The following WDR27 variants were observed in gnomAD, a reference collection of about 807,000 sequenced individuals.
The protein encoded by WDR27 is WD repeat domain 27, also known as WD repeat-containing protein 27.
In WDR27, 100 loss-of-function variants were observed where a neutral mutation model predicts 114.4. That is an observed-to-expected ratio of 0.87 (90% CI 0.74 to 1.03). The LOEUF (loss-of-function observed/expected upper bound fraction) is 1.03, where lower values mean the gene tolerates loss of function less well. Among genes scored for constraint, WDR27 ranks in the 50% least tolerant of loss-of-function variants. The pLI, the probability that WDR27 is intolerant of heterozygous loss-of-function variation, is 0.00. For synonymous variants in WDR27, 449 were observed against 423.1 expected, an observed-to-expected ratio of 1.06 and a Z score of -0.75; for missense variants, 1,129 against 1,092.9, an observed-to-expected ratio of 1.03 and a Z score of -0.47.
At chr6:169,428,279 C>T in the WDR27 span, among the ~76,000 whole-genome samples, 1 of 152,142 alleles carries the variant, frequency 6.6e-6, no homozygotes, top group Non-Finnish European at 1.5e-5. Context: ...TTTGAACTTT[C>T]CCCTAAGTGG....
intron 25 of WDR27, among the ~76,000 whole-genome samples, chr6:169,502,505 G>A (rs1791430811): frequency 6.6e-6 from 1 of 152,168 alleles, no homozygotes; most frequent in Non-Finnish European, 1.5e-5. Context: ...CGAATGGGCC[G>A]CACTGGGCTA....
intron 9 of WDR27, among the ~76,000 whole-genome samples, chr6:169,661,031 T>G (rs1825957626): frequency 6.6e-6 from 1 of 152,090 alleles, no homozygotes; most frequent in African/African-American, 2.4e-5. Context: ...GTGCGCCCCC[T>G]GGCCTGGCTG....
At chr6:169,621,491 T>C (rs1445921348) in intron 21 of WDR27, among the ~76,000 whole-genome samples, 1 of 150,968 alleles carries the variant, frequency 6.6e-6, no homozygotes, top group Non-Finnish European at 1.5e-5. Flanking sequence ...CATGCACACA[T>C]ATACATACCC....
intron 25 of WDR27, among the ~76,000 whole-genome samples, chr6:169,537,237 T>C (rs894966191): frequency 1.3e-5 from 2 of 152,192 alleles, no homozygotes; most frequent in Non-Finnish European, 2.9e-5. Context: ...TTACGTAGCT[T>C]ATGCTCTTCA....
chr6:169,476,016 T>C (rs1299885257), intron 25 of WDR27, among the ~76,000 whole-genome samples: 3 of 152,350 alleles, frequency 2.0e-5, no homozygotes, highest in East Asian at 1.9e-4. Context: ...TATGGAATTA[T>C]ATGGAATGTT....
chr6:169,440,821 G>A, the WDR27 span, among the ~76,000 whole-genome samples: 5 of 152,134 alleles, frequency 3.3e-5, no homozygotes, highest in African/African-American at 1.2e-4. Flanking sequence ...CTGGCACTCT[G>A]CTTTAATTCA....
chr6:169,657,168 G>A (rs965089984), intron 13 of WDR27, among the ~76,000 whole-genome samples: 5 of 152,304 alleles, frequency 3.3e-5, no homozygotes, highest in African/African-American at 1.2e-4. Flanking sequence ...TCCAGCCCCA[G>A]GCTCAGCTCT....
At chr6:169,645,043 A>AAAAAAAAAAAAAAAAAAAAAAAAAAAAAG (rs1820276157) in intron 16 of WDR27, among the ~76,000 whole-genome samples, 8 of 59,670 alleles carry the variant, frequency 1.3e-4, no homozygotes, top group African/African-American at 9.5e-4. Flanking sequence ...AAATAAAAAA[A>AAAAAAAAAAAAAAAAAAAAAAAAAAAAAG]AAAAAAAAAA....
the WDR27 span, among the ~76,000 whole-genome samples, chr6:169,451,836 G>A: frequency 6.6e-6 from 1 of 152,106 alleles, no homozygotes; most frequent in African/African-American, 2.4e-5. Context: ...CTTTCTTAAA[G>A]TGCCTAGTCA....
In WDR27 at chr6:169,659,469, G is replaced by A; in HGVS notation, c.1179C>T (p.Asn393=). ...ILLAGSCALR[N]RTADQKVLCL... ...GACTGACCTTTTGATCCGCAGTGCG[G>A]TTCCTCAGGGCACACGATCCGGCCA... is the stretch of plus-strand genomic sequence containing the variant. Residue 393 remains asparagine, a synonymous_variant, in exon 11 of 26, where the codon AAC becomes AAT. Coordinates refer to ENST00000448612, the MANE Select transcript of WDR27 (RefSeq NM_182552.5). This position sits in a 1 kb window ranked among gnomAD's most constrained non-coding sequence, Gnocchi z 4.3. 6.2e-7 allele frequency: 1 copy of A among 1,609,780 alleles called. No homozygotes were observed. Among genetic ancestry groups the A allele is most frequent in the South Asian group, 1.1e-5 (1 of 90,106 alleles).
At chr6:169,491,670 A>G (rs1789782303) in intron 25 of WDR27, among the ~76,000 whole-genome samples, 1 of 152,148 alleles carries the variant, frequency 6.6e-6, no homozygotes, top group African/African-American at 2.4e-5. Flanking sequence ...TCCACGAAAG[A>G]CCAGAACCCA....
At chr6:169,601,261 C>T in intron 23 of WDR27, among the ~76,000 whole-genome samples, 1 of 152,196 alleles carries the variant, frequency 6.6e-6, no homozygotes, top group Non-Finnish European at 1.5e-5. Flanking sequence ...CAAGCAAATG[C>T]TGAGAGATTC....
chr6:169,661,568 A>G (rs1826123308), intron 9 of WDR27, among the ~76,000 whole-genome samples: 1 of 152,190 alleles, frequency 6.6e-6, no homozygotes, highest in African/African-American at 2.4e-5. Context: ...CATCGTCAAC[A>G]GAATGGGTCA....
chr6:169,519,502 C>G (rs1022019773), intron 25 of WDR27, among the ~76,000 whole-genome samples: 2 of 151,992 alleles, frequency 1.3e-5, no homozygotes, highest in Non-Finnish European at 2.9e-5. Context: ...TGTGGCAGAA[C>G]AGGTACAAGA....
intron 2 of WDR27, among the ~76,000 whole-genome samples, chr6:169,680,101 C>A (rs376994948): frequency 6.6e-6 from 1 of 152,124 alleles, no homozygotes; most frequent in Admixed American, 6.5e-5. Flanking sequence ...TTTAAACACA[C>A]AAAGGCTGAA....
chr6:169,603,711 C>A (rs1399672662), intron 22 of WDR27, among the ~76,000 whole-genome samples: 2 of 152,212 alleles, frequency 1.3e-5, no homozygotes, highest in African/African-American at 4.8e-5. Flanking sequence ...AGGCTCAACC[C>A]TGACCCCAGC....
intron 23 of WDR27, among the ~76,000 whole-genome samples, chr6:169,589,760 G>A (rs1185822312): frequency 6.6e-5 from 10 of 152,150 alleles, no homozygotes; most frequent in Non-Finnish European, 1.3e-4. Flanking sequence ...GACACAGAGC[G>A]ATGGTAATGA....
At chr6:169,475,683 T>C (rs952301835) in intron 25 of WDR27, among the ~76,000 whole-genome samples, 3 of 152,234 alleles carry the variant, frequency 2.0e-5, no homozygotes, top group African/African-American at 7.2e-5. Context: ...CCATATTTAA[T>C]ATGTATCAAG....
Position 169,621,739 on chromosome 6 carries a change from TAC to T in WDR27, c.2224-8085_2224-8084del, listed in dbSNP as rs143278642. Among the ~76,000 whole-genome samples the T allele has an allele frequency of 4.2e-3, 567 of 134,016 alleles. 7 individuals are homozygous for T. The East Asian group carries it at 0.047, about 11-fold the overall frequency. The allele number at this position is 134,016 out of a possible 152,430, so 87.9% of individuals were successfully genotyped here. A position where few individuals can be genotyped will look rare whatever the true frequency, so the allele number is the denominator to read the frequency against. ...GCATATACACATTCACACATATACA[TAC>T]ACACACACACGCACACATATATACA... is the stretch of plus-strand genomic sequence containing the variant. On this transcript the variant is annotated intron_variant, in intron 21 of 25. Coordinates refer to ENST00000448612, the MANE Select transcript of WDR27 (RefSeq NM_182552.5).
Sources: gnomAD v4.1 joint callset for allele counts (sites outside exome capture counted in the v4.1 genomes callset) on GRCh38, gnomAD v4.1.1 for gene constraint, Gnocchi (gnomAD v3.1) non-coding constraint, MANE v1.5 for transcripts, NCBI Gene and HGNC (gene_info 2026-07-23, HGNC 2026-07-21) for gene names.